The following RGS21 variants were observed in gnomAD, a reference collection of about 807,000 sequenced individuals.
RGS21 encodes the protein regulator of G protein signaling 21, also known as regulator of G-protein signalling 21.
Under a neutral mutation model 18.7 loss-of-function variants are expected in RGS21, and 19 were observed. The observed-to-expected ratio is 1.01, with a 90% CI of 0.71 to 1.49. The LOEUF (loss-of-function observed/expected upper bound fraction) is 1.49. RGS21 is among the 40% of genes most tolerant of loss of function. The probability of loss-of-function intolerance (pLI) is 0.00; values close to 1 mark genes in which losing one functional copy is unlikely to be tolerated. For synonymous variants in RGS21, 56 were observed against 57.8 expected (o/e 0.97, Z 0.14); for missense variants, 194 against 176.8 (o/e 1.10, Z -0.55).
At chr1:192,353,718 T>C (rs1471580767) in intron 4 of RGS21, among the ~76,000 whole-genome samples, 11 of 151,684 alleles carry the variant, frequency 7.3e-5, no homozygotes. Flanking sequence ...TTTCCTAACC[T>C]TTTCTTCCAA....
chr1:192,337,451 C>T (rs1039735862), intron 1 of RGS21, among the ~76,000 whole-genome samples: 1 of 151,744 alleles, frequency 6.6e-6, no homozygotes, highest in East Asian at 1.9e-4. Flanking sequence ...TTAAAATACT[C>T]TTTTTAAAAT....
At chr1:192,354,023 G>C (rs1659079859) in intron 4 of RGS21, among the ~76,000 whole-genome samples, 1 of 151,302 alleles carries the variant, frequency 6.6e-6, no homozygotes, top group South Asian at 2.1e-4. Flanking sequence ...TTTTCTATTA[G>C]TTGTTTCCTA....
At chr1:192,352,984 T>C (rs1659064919) in intron 4 of RGS21, among the ~76,000 whole-genome samples, 1 of 151,990 alleles carries the variant, frequency 6.6e-6, no homozygotes, top group African/African-American at 2.4e-5. Flanking sequence ...ACAAAGAGCG[T>C]TAATGTATAA....
At chr1:192,358,599 TG>T (rs910957913) in intron 4 of RGS21, among the ~76,000 whole-genome samples, 2 of 152,052 alleles carry the variant, frequency 1.3e-5, no homozygotes, top group Admixed American at 6.6e-5. Flanking sequence ...TACTTATGCA[TG>T]CACACACCCT....
chr1:192,366,119 T>A lies in RGS21; in HGVS notation c.454T>A (p.Leu152Met). 1 of 1,580,244 alleles carries A rather than the reference T, an allele frequency of 6.3e-7. No homozygotes were observed. Among genetic ancestry groups the A allele is most frequent in the Non-Finnish European group, 8.6e-7 (1 of 1,161,412 alleles). Reference sequence around the variant, plus strand: ...AAATCATAAAAAATGGCTCCCTTTTTTGTGAGGAAGGTAAAAGTTAACTAA... The same window carrying A: ...AAATCATAAAAAATGGCTCCCTTTTATGTGAGGAAGGTAAAAGTTAACTAA... ...VPNHKKWLPFL is the reference protein window; with the variant it reads ...VPNHKKWLPFM The change falls in exon 5 of 5, where the codon TTG becomes ATG. Residue 152 changes from leucine to methionine, a missense_variant. Coordinates refer to ENST00000417209, the MANE Select transcript of RGS21 (RefSeq NM_001039152.3).
At chr1:192,339,453 G>T in intron 1 of RGS21, among the ~76,000 whole-genome samples, 1 of 151,878 alleles carries the variant, frequency 6.6e-6, no homozygotes. Flanking sequence ...GGAAAGTTAA[G>T]GAAACCATAT....
intron 2 of RGS21, among the ~76,000 whole-genome samples, chr1:192,345,714 T>C (rs1658935716): frequency 6.6e-6 from 1 of 152,068 alleles, no homozygotes; most frequent in Non-Finnish European, 1.5e-5. Context: ...TTCATTAGCA[T>C]ATGTTCCACA....
chr1:192,352,728 G>T (rs1004236706), intron 4 of RGS21, among the ~76,000 whole-genome samples: 6 of 152,054 alleles, frequency 3.9e-5, no homozygotes, highest in Non-Finnish European at 4.4e-5. Flanking sequence ...TGTATCAAGT[G>T]ATCAGGACTC....
Position 192,348,793 on chromosome 1 carries a change from G to T in RGS21, c.88+1404G>T, listed in dbSNP as rs1361358359. 2.0e-5 allele frequency among the ~76,000 whole-genome samples: 3 copies of T among 151,828 alleles called. 1 individual carries two copies. In the South Asian group the frequency reaches 6.2e-4, roughly 32 times the overall value. On this transcript the variant is annotated intron_variant, in intron 3 of 4. Coordinates refer to ENST00000417209, the MANE Select transcript of RGS21 (RefSeq NM_001039152.3). Reference sequence around the variant, plus strand: ...TAATATTATTTGTATAAATCAAATGGCATTTTATTTTAAATTCATAAAGAA... The same window carrying T: ...TAATATTATTTGTATAAATCAAATGTCATTTTATTTTAAATTCATAAAGAA...
chr1:192,351,852 A>C (rs916620910), intron 3 of RGS21, among the ~76,000 whole-genome samples, 195 bp from the exon 4 acceptor site: 1 of 149,302 alleles, frequency 6.7e-6, no homozygotes, highest in African/African-American at 2.4e-5. Context: ...TATATGCTCT[A>C]TATATGTTAA....
chr1:192,321,376 T>C (rs1407365078), intron 1 of RGS21, among the ~76,000 whole-genome samples: 10 of 151,960 alleles, frequency 6.6e-5, no homozygotes, highest in African/African-American at 2.2e-4. Context: ...TTATGATAAG[T>C]GCCTAATAAA....
intron 4 of RGS21, among the ~76,000 whole-genome samples, chr1:192,363,085 T>C (rs1197976752): frequency 6.6e-6 from 1 of 152,104 alleles, no homozygotes; most frequent in Non-Finnish European, 1.5e-5. Context: ...ATGAGAAATG[T>C]TTAAAAGTAA....
intron 1 of RGS21, among the ~76,000 whole-genome samples, chr1:192,332,708 A>C (rs1211425329): frequency 1.3e-5 from 2 of 152,214 alleles, no homozygotes; most frequent in African/African-American, 4.8e-5. Context: ...CTGCATATCT[A>C]ATAAGGAGTT....
At chr1:192,331,731 A>C (rs901194813) in intron 1 of RGS21, among the ~76,000 whole-genome samples, 2 of 151,960 alleles carry the variant, frequency 1.3e-5, no homozygotes, top group Admixed American at 6.6e-5. Context: ...GAAAATCATG[A>C]GTTAGAAAAA....
At chr1:192,333,256 G>A (rs1013376645) in intron 1 of RGS21, among the ~76,000 whole-genome samples, 10 of 128,098 alleles carry the variant, frequency 7.8e-5, no homozygotes, top group Non-Finnish European at 1.6e-4. Flanking sequence ...AAATAATTTG[G>A]CAGTTTCTTA....
intron 1 of RGS21, 49 bp from the exon 2 acceptor site, chr1:192,342,928 A>G (rs552760292): frequency 1.3e-5 from 13 of 1,026,514 alleles, no homozygotes; most frequent in Non-Finnish European, 1.8e-5. Context: ...CCCAGGGGAT[A>G]GGTATTCGCA....
chr1:192,318,192 CATT>C (rs1228876077), intron 1 of RGS21, among the ~76,000 whole-genome samples: 1 of 151,982 alleles, frequency 6.6e-6, no homozygotes, highest in Admixed American at 6.6e-5. Flanking sequence ...AAAACCTAGT[CATT>C]AAACTTAGAA....
intron 4 of RGS21, among the ~76,000 whole-genome samples, chr1:192,362,834 G>A (rs1659204433): frequency 6.6e-6 from 1 of 152,092 alleles, no homozygotes. Context: ...TTTTGAACAA[G>A]TATAGAACCA....
chr1:192,332,405 T>G (rs975321529), intron 1 of RGS21, among the ~76,000 whole-genome samples: 4 of 152,306 alleles, frequency 2.6e-5, no homozygotes, highest in Middle Eastern at 3.4e-3. Context: ...CAATTGAATA[T>G]CAATAGGCAA....
Sources: gnomAD v4.1 joint callset for allele counts (sites outside exome capture counted in the v4.1 genomes callset) on GRCh38, gnomAD v4.1.1 for gene constraint, MANE v1.5 for transcripts, NCBI Gene and HGNC (gene_info 2026-07-23, HGNC 2026-07-21) for gene names.